TMPRSS12: variants seen among roughly 807,000 people sequenced by gnomAD.
TMPRSS12 encodes the protein transmembrane serine protease 12.
Under a neutral mutation model 26.0 loss-of-function variants are expected in TMPRSS12, and 25 were observed. That is an observed-to-expected ratio of 0.96 (90% CI 0.70 to 1.34). The LOEUF is 1.34. TMPRSS12 is among the 40% of genes most tolerant of loss of function. The pLI is 0.00. For synonymous variants in TMPRSS12, 150 were observed against 161.7 expected, an observed-to-expected ratio of 0.93 and a Z score of 0.55; for missense variants, 441 against 440.1, an observed-to-expected ratio of 1.00 and a Z score of -0.02.
intron 2 of TMPRSS12, among the ~76,000 whole-genome samples, chr12:50,845,427 T>C (rs1192506384): frequency 6.6e-6 from 1 of 152,224 alleles, no homozygotes; most frequent in African/African-American, 2.4e-5. Context: ...TTCTGTACTC[T>C]TTCCTAGAGA....
At position 50,880,598 on chromosome 12, in the gene TMPRSS12, C is replaced by T. The variant is rs146007175; in HGVS notation, c.653-4648C>T. 3.0e-3 allele frequency among the ~76,000 whole-genome samples: 453 copies of T among 152,190 alleles called. 1 individual carries two copies. Among genetic ancestry groups the T allele is most frequent in the African/African-American group, 0.011 (442 of 41,530 alleles). ...TCTGGGAAAGTTAAATATGCACTTACCCTGTTAAGCATAGTTACCATATGA... is the reference window on the plus strand; with the variant it reads ...TCTGGGAAAGTTAAATATGCACTTATCCTGTTAAGCATAGTTACCATATGA... On this transcript the variant is annotated intron_variant, in intron 3 of 4. Coordinates refer to ENST00000398458, the MANE Select transcript of TMPRSS12 (RefSeq NM_182559.3).
chr12:50,883,926 C>T (rs1354659152), intron 3 of TMPRSS12, among the ~76,000 whole-genome samples: 1 of 152,072 alleles, frequency 6.6e-6, no homozygotes, highest in African/African-American at 2.4e-5. Context: ...TGCTTGAGCC[C>T]AGGAGTTTGA....
At chr12:50,847,498 G>A (rs1039142532) in intron 2 of TMPRSS12, among the ~76,000 whole-genome samples, 1 of 151,666 alleles carries the variant, frequency 6.6e-6, no homozygotes, top group African/African-American at 2.4e-5. Flanking sequence ...TTTTTTATGA[G>A]AGGGAGTTTC....
chr12:50,880,935 G>A (rs1273530946), intron 3 of TMPRSS12, among the ~76,000 whole-genome samples: 1 of 142,244 alleles, frequency 7.0e-6, no homozygotes, highest in Non-Finnish European at 1.5e-5. Context: ...TCAAGAAAAG[G>A]CAAACCTATA....
chr12:50,850,587 T>C (rs774158270), intron 2 of TMPRSS12, among the ~76,000 whole-genome samples: 20 of 152,092 alleles, frequency 1.3e-4, no homozygotes, highest in Non-Finnish European at 2.5e-4. Flanking sequence ...CTAAAAAAAG[T>C]GTGTAGCACT....
At chr12:50,856,208 G>C (rs1937875420) in intron 2 of TMPRSS12, among the ~76,000 whole-genome samples, 1 of 152,108 alleles carries the variant, frequency 6.6e-6, no homozygotes. Context: ...ATAAAAGTTA[G>C]GGAAAAGATA....
chr12:50,885,126 A>T, intron 3 of TMPRSS12, 120 bp from the exon 4 acceptor site: 2 of 811,092 alleles, frequency 2.5e-6, no homozygotes, highest in Non-Finnish European at 3.8e-6. Flanking sequence ...CATATATATG[A>T]ATATAATTTT....
intron 3 of TMPRSS12, among the ~76,000 whole-genome samples, chr12:50,879,402 TA>T (rs532692392): frequency 1.3e-5 from 2 of 152,208 alleles, no homozygotes; most frequent in African/African-American, 4.8e-5. Flanking sequence ...CAGCAGTGTA[TA>T]AAAAAAGATA....
chr12:50,858,790 C>A lies in TMPRSS12; in HGVS notation c.389C>A (p.Pro130His), dbSNP rs1425562414. The change falls in exon 3 of 5, where the codon CCT (proline) becomes CAT (histidine). Residue 130 changes from proline to histidine, a missense_variant. Coordinates refer to ENST00000398458, the MANE Select transcript of TMPRSS12 (RefSeq NM_182559.3). ...AAHCTKDASD[P>H]LMWTAVIGTN... is the part of the protein sequence containing the mutation. ...GAATGTTTACTTTCTTTCAGCGATC[C>A]TTTAATGTGGACAGCTGTGATTGGA... 1 of 1,550,462 alleles carries A rather than the reference C, an allele frequency of 6.4e-7. No individual in the cohort carries two copies. The highest frequency in any genetic ancestry group is 8.7e-7 in the Non-Finnish European group (1 of 1,154,308).
Position 50,843,978 on chromosome 12 carries a change from G to C in TMPRSS12, c.324G>C (p.Gly108=). The part of the protein sequence containing the change: ...KYGRVLVHVC[G]GTLVRERWVL... The stretch of plus-strand genomic sequence containing the variant: ...GCCGTGTTCTTGTTCATGTATGTGG[G>C]GGAACCCTAGTGAGAGAGAGGTGGG... The change falls in exon 2 of 5, where the codon GGG becomes GGC. Residue 108 remains glycine (G), a synonymous_variant. Transcript: ENST00000398458. 1 of 1,607,870 alleles carries C rather than the reference G, an allele frequency of 6.2e-7. No individual in the cohort carries two copies. The highest frequency in any genetic ancestry group is 8.5e-7 in the Non-Finnish European group (1 of 1,177,186).
chr12:50,848,799 A>C (rs1443358752), intron 2 of TMPRSS12, among the ~76,000 whole-genome samples: 4 of 152,220 alleles, frequency 2.6e-5, no homozygotes, highest in Non-Finnish European at 1.5e-5. Context: ...GCACCTTGAC[A>C]ACAGAGTGGG....
intron 3 of TMPRSS12, among the ~76,000 whole-genome samples, chr12:50,876,086 G>A (rs190549881): frequency 5.3e-5 from 8 of 152,118 alleles, no homozygotes; most frequent in Admixed American, 2.0e-4. Context: ...ATTAAAACAC[G>A]GGCAAAAGAC....
chr12:50,872,841 T>TA lies in TMPRSS12; in HGVS notation c.653-12405_653-12404insA, dbSNP rs1565936036. ...CGTATATATGTACATATATATGACGTCTATATATGTACATATATATGACTA... is the reference window on the plus strand; with the variant it reads ...CGTATATATGTACATATATATGACGTACTATATATGTACATATATATGACTA... On this transcript the variant is annotated intron_variant, in intron 3 of 4. Transcript: ENST00000398458. Among the ~76,000 whole-genome samples, 3 of 24,370 alleles carry TA rather than the reference T, an allele frequency of 1.2e-4. 1 individual carries two copies. The highest frequency in any genetic ancestry group is 2.7e-4 in the African/African-American group (3 of 10,992). 16.0% of individuals were successfully genotyped at this position (24,370 alleles called of 152,430 possible).
chr12:50,866,218 G>T (rs988784555), intron 3 of TMPRSS12, among the ~76,000 whole-genome samples: 6 of 152,204 alleles, frequency 3.9e-5, no homozygotes, highest in Non-Finnish European at 7.3e-5. Context: ...CAAATACTCT[G>T]GGAGGTGGGT....
intron 2 of TMPRSS12, among the ~76,000 whole-genome samples, chr12:50,856,880 G>A (rs1388385162): frequency 6.6e-6 from 1 of 151,930 alleles, no homozygotes. Context: ...TACAGAGACA[G>A]GGTTTCGCCA....
At chr12:50,877,807 A>G (rs2139735566) in intron 3 of TMPRSS12, among the ~76,000 whole-genome samples, 1 of 152,266 alleles carries the variant, frequency 6.6e-6, no homozygotes, top group Admixed American at 6.5e-5. Flanking sequence ...ACGGGGTTTC[A>G]CTATGTTGGC....
At chr12:50,856,014 C>T (rs1245528964) in intron 2 of TMPRSS12, among the ~76,000 whole-genome samples, 1 of 152,054 alleles carries the variant, frequency 6.6e-6, no homozygotes, top group African/African-American at 2.4e-5. Context: ...ACATTGAGTA[C>T]ACATGGACAT....
chr12:50,854,230 A>G (rs1937854984), intron 2 of TMPRSS12, among the ~76,000 whole-genome samples: 1 of 152,220 alleles, frequency 6.6e-6, no homozygotes, highest in Non-Finnish European at 1.5e-5. Flanking sequence ...ATCTCAATAG[A>G]TACAGAAAAG....
At chr12:50,871,446 T>A (rs536003471) in intron 3 of TMPRSS12, among the ~76,000 whole-genome samples, 1 of 152,206 alleles carries the variant, frequency 6.6e-6, no homozygotes, top group Admixed American at 6.5e-5. Flanking sequence ...AAAAATCAAC[T>A]CAAGATGGAT....
Sources: gnomAD v4.1 joint callset for allele counts (sites outside exome capture counted in the v4.1 genomes callset) on GRCh38, gnomAD v4.1.1 for gene constraint, MANE v1.5 for transcripts, NCBI Gene and HGNC (gene_info 2026-07-23, HGNC 2026-07-21) for gene names.